Variants in CBFB observed in about 807,000 individuals in gnomAD.
CBFB encodes the protein core-binding factor subunit beta.
CBFB carries 9 observed loss-of-function variants against 30.4 expected under a neutral mutation model. The observed-to-expected ratio is 0.30, with a 90% confidence interval of 0.18 to 0.52. CBFB has a LOEUF of 0.52. Ranked by LOEUF, CBFB falls within the 20% of genes least tolerant of loss-of-function variation. CBFB has a pLI of 0.97. For missense variants in CBFB, 170 were observed against 244.0 expected, an observed-to-expected ratio of 0.70 and a Z score of 2.02; for synonymous variants, 94 against 84.0, an observed-to-expected ratio of 1.12 and a Z score of -0.65.
chr16:67,045,818 C>T (rs1442656029), intron 3 of CBFB, among the ~76,000 whole-genome samples: 2 of 143,068 alleles, frequency 1.4e-5, no homozygotes, highest in East Asian at 2.0e-4. Context: ...TTTTTTGAGA[C>T]AGTGTCTTGC....
intron 4 of CBFB, among the ~76,000 whole-genome samples, chr16:67,081,329 T>G (rs1961547798): frequency 6.6e-6 from 1 of 152,052 alleles, no homozygotes; most frequent in South Asian, 2.1e-4. Context: ...TATGGCTGCA[T>G]AGTATAAATC....
chr16:67,083,095 C>G (rs1398445071), intron 5 of CBFB, among the ~76,000 whole-genome samples: 1 of 152,154 alleles, frequency 6.6e-6, no homozygotes, highest in Non-Finnish European at 1.5e-5. Context: ...AGGAGAATCA[C>G]TTGAGCCCTG....
At chr16:67,047,118 T>G (rs1464979945) in intron 3 of CBFB, among the ~76,000 whole-genome samples, 1 of 151,384 alleles carries the variant, frequency 6.6e-6, no homozygotes, top group Non-Finnish European at 1.5e-5. Flanking sequence ...AAGACCAGCT[T>G]GGCCAACATA....
At chr16:67,039,000 A>G (rs1302413644) in intron 3 of CBFB, among the ~76,000 whole-genome samples, 2 of 152,224 alleles carry the variant, frequency 1.3e-5, no homozygotes, top group African/African-American at 2.4e-5. Flanking sequence ...GTTTTTAGTT[A>G]TATGACCAAA....
intron 5 of CBFB, among the ~76,000 whole-genome samples, chr16:67,086,061 T>TC (rs1961725298): frequency 6.6e-6 from 1 of 152,186 alleles, no homozygotes; most frequent in African/African-American, 2.4e-5. Context: ...GCTGAGGATG[T>TC]CCCCAAGAAT....
chr16:67,045,788 CTTTCTACA>C (rs1177390750), intron 3 of CBFB, among the ~76,000 whole-genome samples: 296 of 149,722 alleles, frequency 2.0e-3, no homozygotes, highest in Non-Finnish European at 3.3e-3. Flanking sequence ...CTTCCTTCTA[CTTTCTACA>C]TTTTTTTTTT....
chr16:67,092,696 A>ATTTT (rs1162307047), intron 5 of CBFB, among the ~76,000 whole-genome samples: 14 of 94,680 alleles, frequency 1.5e-4, no homozygotes, highest in African/African-American at 2.4e-4. Context: ...CAGTGGTGCA[A>ATTTT]TCTTTTTTTT....
chr16:67,079,505 G>T (rs577802875), intron 4 of CBFB, among the ~76,000 whole-genome samples: 12 of 148,118 alleles, frequency 8.1e-5, no homozygotes, highest in African/African-American at 3.0e-4. Context: ...TGTTATCAGA[G>T]GCCCTGGGTC....
intron 2 of CBFB, among the ~76,000 whole-genome samples, chr16:67,030,874 G>T (rs1029029650): frequency 2.0e-5 from 3 of 152,196 alleles, no homozygotes; most frequent in Non-Finnish European, 4.4e-5. Flanking sequence ...GATTACAGGC[G>T]TGAGCCACTG....
chr16:67,029,357 G>A lies in CBFB; in HGVS notation c.-51G>A. ...GTCAGCGCGGAGCCAGCCAGCGGGTGCCCGCGCAAGCCCCGAGCGCGGCCG... is the reference window on the plus strand; with the variant it reads ...GTCAGCGCGGAGCCAGCCAGCGGGTACCCGCGCAAGCCCCGAGCGCGGCCG... On this transcript the variant is annotated 5_prime_UTR_variant, in exon 1 of 6. Transcript: ENST00000412916. 1.5e-6 allele frequency: 2 copies of A among 1,328,888 alleles called. No homozygotes were observed. Among genetic ancestry groups the A allele is most frequent in the East Asian group, 3.2e-5 (1 of 31,428 alleles). The allele number at this position is 1,328,888 out of a possible 1,614,324, so 82.3% of individuals were successfully genotyped here. A position where few individuals can be genotyped will look rare whatever the true frequency, so the allele number is the denominator to read the frequency against.
Position 67,029,446 on chromosome 16 carries a change from G to C in CBFB, c.39G>C (p.Glu13Asp). The C allele has an allele frequency of 1.3e-6, 2 of 1,591,138 alleles. No individual in the cohort carries two copies. Among genetic ancestry groups the C allele is most frequent in the South Asian group, 2.3e-5 (2 of 88,218 alleles). Residue 13 changes from glutamate (E) to aspartate (D), a missense_variant, in exon 1 of 6, where the codon GAG becomes GAC. By Grantham distance (45) the Glu-to-Asp change is conservative. Coordinates refer to ENST00000412916, the MANE Select transcript of CBFB (RefSeq NM_022845.3). ...RVVPDQRSKF[E>D]NEEFFRKLSR... ...TGCCCGACCAGAGAAGCAAGTTCGA[G>C]AACGAGGAGTTTTTTAGGAAGCTGA...
At chr16:67,034,844 A>G (rs1966413965) in intron 2 of CBFB, among the ~76,000 whole-genome samples, 1 of 152,206 alleles carries the variant, frequency 6.6e-6, no homozygotes, top group Non-Finnish European at 1.5e-5. Context: ...CTGAAGCTGA[A>G]AAAGTTGGCT....
chr16:67,029,865 G>C (rs1248638582), intron 2 of CBFB, 52 bp downstream of exon 2: 2 of 1,368,718 alleles, frequency 1.5e-6, no homozygotes, highest in Non-Finnish European at 2.0e-6. Flanking sequence ...GCGGGGCCGC[G>C]GCGGCCCAGG....
chr16:67,092,724 T>TTTTTTTTTTTTTTTTTTTTTTTG (rs1961929758), intron 5 of CBFB, among the ~76,000 whole-genome samples: 1 of 134,956 alleles, frequency 7.4e-6, no homozygotes, highest in African/African-American at 2.9e-5. Context: ...TTTTTTTTTT[T>TTTTTTTTTTTTTTTTTTTTTTTG]TTTTTTGAGA....
chr16:67,097,495 A>C (rs910917801), intron 5 of CBFB, among the ~76,000 whole-genome samples: 3 of 151,394 alleles, frequency 2.0e-5, no homozygotes, highest in Non-Finnish European at 2.9e-5. Flanking sequence ...CAGTGAGCTA[A>C]GATTGCGCCA....
intron 4 of CBFB, among the ~76,000 whole-genome samples, chr16:67,079,463 A>T (rs1384367541): frequency 6.6e-6 from 1 of 151,314 alleles, no homozygotes; most frequent in Non-Finnish European, 1.5e-5. Context: ...AGCAGTACAC[A>T]GTCCAGGCCT....
intron 1 of CBFB, 63 bp from the exon 2 acceptor site, chr16:67,029,664 A>T (rs1966297538): frequency 7.0e-7 from 1 of 1,438,688 alleles, no homozygotes; most frequent in Non-Finnish European, 9.6e-7. Context: ...CTGCGCTGGG[A>T]GGGCGGGCGC....
intron 3 of CBFB, among the ~76,000 whole-genome samples, chr16:67,062,538 C>A (rs1182205011): frequency 6.6e-6 from 1 of 151,248 alleles, no homozygotes; most frequent in Non-Finnish European, 1.5e-5. Flanking sequence ...ATCCCTGTAA[C>A]CCGAGCACTC....
intron 1 of CBFB, 30 bp from the exon 2 acceptor site, chr16:67,029,697 C>G (rs1966298739): frequency 1.3e-6 from 2 of 1,561,268 alleles, no homozygotes; most frequent in South Asian, 1.1e-5. Context: ...GCGGATTTGG[C>G]TCCTGATTTC....
Sources: gnomAD v4.1 joint callset for allele counts (sites outside exome capture counted in the v4.1 genomes callset) on GRCh38, gnomAD v4.1.1 for gene constraint, MANE v1.5 for transcripts, NCBI Gene and HGNC (gene_info 2026-07-23, HGNC 2026-07-21) for gene names.